ARHGEF37: variants seen among roughly 807,000 people sequenced by gnomAD.
ARHGEF37 encodes the protein Rho guanine nucleotide exchange factor 37.
A neutral mutation model predicts 71.1 loss-of-function variants in ARHGEF37; 55 were observed. That is an observed-to-expected ratio of 0.77 (90% CI 0.62 to 0.97). ARHGEF37 has a LOEUF of 0.97. ARHGEF37 is among the 50% of genes least tolerant of loss of function. ARHGEF37 has a pLI of 0.00. For missense variants in ARHGEF37, 765 were observed against 836.8 expected, an observed-to-expected ratio of 0.91 and a Z score of 1.06; for synonymous variants, 327 against 350.6, an observed-to-expected ratio of 0.93 and a Z score of 0.75.
chr5:149,621,707 A>T (rs764798376), intron 8 of ARHGEF37, 26 bp from the exon 9 acceptor site: 32 of 1,586,732 alleles, frequency 2.0e-5, no homozygotes, highest in Non-Finnish European at 2.7e-5. Context: ...TCCTTTCCCG[A>T]CTCCCACGCT....
chr5:149,621,888 G>A lies in ARHGEF37; in HGVS notation c.1161G>A (p.Gln387=). 1 of 1,614,270 alleles carries A rather than the reference G, an allele frequency of 6.2e-7. No homozygotes were observed. The highest frequency in any genetic ancestry group is 1.1e-5 in the South Asian group (1 of 91,086). ...KLLEVGSVTY[Q]EEAARHTYQA... is the part of the protein sequence containing the mutation. ...TGGAGGTGGGCAGTGTGACCTACCA[G>A]GAGGAGGCCGCCCGGCACACATACC... The change falls in exon 9 of 13, where the codon CAG becomes CAA. Residue 387 remains glutamine, a synonymous_variant. Transcript: ENST00000333677.
At chr5:149,608,534 G>A (rs905976353) in intron 3 of ARHGEF37, among the ~76,000 whole-genome samples, 11 of 151,750 alleles carry the variant, frequency 7.2e-5, no homozygotes, top group Non-Finnish European at 1.0e-4. Flanking sequence ...CATCACACCC[G>A]GCTAATTTTT....
intron 3 of ARHGEF37, among the ~76,000 whole-genome samples, chr5:149,605,465 G>A (rs936938862): frequency 6.6e-6 from 1 of 152,192 alleles, no homozygotes; most frequent in East Asian, 1.9e-4. Context: ...TACACTGACA[G>A]CACATCGCAT....
intron 1 of ARHGEF37, among the ~76,000 whole-genome samples, chr5:149,566,136 G>A (rs1461322323): frequency 6.6e-6 from 1 of 150,994 alleles, no homozygotes; most frequent in Non-Finnish European, 1.5e-5. Flanking sequence ...CTGCACCACC[G>A]TGCCTGGCCC....
chr5:149,627,181 G>T lies in ARHGEF37; in HGVS notation c.1570G>T (p.Asp524Tyr). 1 of 1,614,136 alleles carries T rather than the reference G, an allele frequency of 6.2e-7. No individual in the cohort carries two copies. The change falls in exon 11 of 13, where the codon GAC becomes TAC. Residue 524 changes from aspartate to tyrosine, a missense_variant. Transcript: ENST00000333677. Reference protein sequence around the residue: ...TSNISGTGTLDLTLPRGQIVA... With the variant: ...TSNISGTGTLYLTLPRGQIVA... ...CAACATCAGTGGGACTGGGACTCTG[G>T]ACCTGACTCTGCCTCGGGGCCAAAT...
In ARHGEF37 at chr5:149,631,331, C is replaced by T. The variant is rs920266541; in HGVS notation, c.1819-651C>T. Among the ~76,000 whole-genome samples, 13 of 151,990 alleles carry T rather than the reference C, an allele frequency of 8.6e-5. No individual in the cohort carries two copies. In the South Asian group the frequency reaches 1.2e-3, roughly 15 times the overall value. On this transcript the variant is annotated intron_variant, in intron 12 of 12. Coordinates refer to ENST00000333677, the MANE Select transcript of ARHGEF37 (RefSeq NM_001001669.3). ...GATTACAGGTGTGCGCCACCATGCC[C>T]GGCTAATTTTTGTATTTTTAGTAGA...
intron 10 of ARHGEF37, 68 bp from the exon 11 acceptor site, chr5:149,627,007 CA>C (rs1752706408): frequency 1.3e-6 from 2 of 1,496,856 alleles, no homozygotes; most frequent in African/African-American, 1.4e-5. Context: ...AAAATGTGAG[CA>C]AATGTTGGTG....
At chr5:149,629,933 T>A (rs79863700) in intron 12 of ARHGEF37, among the ~76,000 whole-genome samples, 2,451 of 150,430 alleles carry the variant, frequency 0.016, 71 homozygotes, top group African/African-American at 0.058. Context: ...GTGAACAAAG[T>A]CAGATGCAAA....
chr5:149,584,502 T>C (rs1000082139), intron 1 of ARHGEF37, among the ~76,000 whole-genome samples: 15 of 152,202 alleles, frequency 9.9e-5, no homozygotes, highest in African/African-American at 3.4e-4. Context: ...GAAAATTCCT[T>C]CCCTTTTTGG....
chr5:149,623,041 C>T (rs1260618474), intron 9 of ARHGEF37, among the ~76,000 whole-genome samples: 1 of 152,198 alleles, frequency 6.6e-6, no homozygotes, highest in Non-Finnish European at 1.5e-5. Context: ...CTCCAGCACA[C>T]AGCTGCTGGA....
intron 1 of ARHGEF37, among the ~76,000 whole-genome samples, chr5:149,595,717 T>C (rs1344574487): frequency 6.6e-6 from 1 of 152,166 alleles, no homozygotes; most frequent in African/African-American, 2.4e-5. Flanking sequence ...GACGTGTCCT[T>C]CTGGAAACAT....
upstream of ARHGEF37, among the ~76,000 whole-genome samples, chr5:149,580,680 T>C (rs188822465): frequency 3.6e-3 from 555 of 152,248 alleles, 11 homozygotes; most frequent in South Asian, 0.049. Flanking sequence ...ACATTTAGTA[T>C]AGCGCCTGGC....
At chr5:149,624,866 GT>G (rs933200606) in intron 10 of ARHGEF37, among the ~76,000 whole-genome samples, 15 of 149,756 alleles carry the variant, frequency 1.0e-4, no homozygotes, top group African/African-American at 3.2e-4. Flanking sequence ...CTGCATGATG[GT>G]TTACAAAGCT....
chr5:149,597,670 C>T (rs10515630), intron 1 of ARHGEF37, 89 bp from the exon 2 acceptor site: 22,401 of 1,247,696 alleles, frequency 0.018, 396 homozygotes, highest in East Asian at 0.086. Flanking sequence ...GTTTTTAGGC[C>T]TCTTGATGAG....
At chr5:149,569,058 T>C (rs1187191558) in intron 1 of ARHGEF37, among the ~76,000 whole-genome samples, 1 of 152,142 alleles carries the variant, frequency 6.6e-6, no homozygotes, top group Non-Finnish European at 1.5e-5. Context: ...ACATTCATGT[T>C]GTTGTATACA....
At chr5:149,597,977 C>T (rs1249803140) in intron 2 of ARHGEF37, 22 bp downstream of exon 2, 1 of 1,550,542 alleles carries the variant, frequency 6.4e-7, no homozygotes, top group East Asian at 2.4e-5. Context: ...GGGTCACACA[C>T]AACCTGTCTT....
At chr5:149,581,377 G>C (rs1561787200), upstream of ARHGEF37, 1 of 152,202 alleles carries the variant, frequency 6.6e-6, no homozygotes, top group Non-Finnish European at 1.5e-5. Flanking sequence ...CGGGAGCAGC[G>C]AACAGAAAAC....
intron 3 of ARHGEF37, chr5:149,606,572 C>A (rs528137071): frequency 1.3e-5 from 2 of 152,268 alleles, no homozygotes; most frequent in South Asian, 4.1e-4. Context: ...TTTTCTTCAC[C>A]CTCACCACTT....
intron 1 of ARHGEF37, among the ~76,000 whole-genome samples, chr5:149,593,657 T>A (rs987939993): frequency 6.6e-6 from 1 of 152,250 alleles, no homozygotes; most frequent in Admixed American, 6.5e-5. Context: ...ACATATTTTG[T>A]ATGTTATATG....
Sources: allele counts gnomAD v4.1 joint callset (sites outside exome capture counted in the v4.1 genomes callset), GRCh38; gene constraint gnomAD v4.1.1; transcripts MANE v1.5; gene names NCBI Gene and HGNC (gene_info 2026-07-23, HGNC 2026-07-21).